Variants in FAM178B observed in about 807,000 individuals in gnomAD.
The protein encoded by FAM178B is protein FAM178B.
In FAM178B, 82 loss-of-function variants were observed where a neutral mutation model predicts 91.7. That is an observed-to-expected ratio of 0.89 (90% confidence interval 0.75 to 1.07). The LOEUF is 1.07. Among genes scored for constraint, FAM178B ranks in the 50% least tolerant of loss-of-function variants. FAM178B has a pLI of 0.00. For synonymous variants in FAM178B, 368 were observed against 359.4 expected, an observed-to-expected ratio of 1.02 and a Z score of -0.27; for missense variants, 769 against 846.7, an observed-to-expected ratio of 0.91 and a Z score of 1.14.
chr2:96,972,684 G>A, intron 1 of FAM178B, 78 bp from the exon 2 acceptor site: 1 of 1,375,456 alleles, frequency 7.3e-7, no homozygotes, highest in Non-Finnish European at 1.0e-6. Context: ...TTCCCACAGA[G>A]GAGGGCCTGG....
At chr2:96,960,469 GCATCA>G in intron 5 of FAM178B, 29 bp from the exon 6 acceptor site, 1 of 1,514,536 alleles carries the variant, frequency 6.6e-7, no homozygotes, top group South Asian at 1.3e-5. Flanking sequence ...GGAGGGCCGG[GCATCA>G]GCAGATGCAC....
At chr2:96,979,273 G>A (rs547045377) in intron 1 of FAM178B, among the ~76,000 whole-genome samples, 10 of 103,998 alleles carry the variant, frequency 9.6e-5, no homozygotes, top group Admixed American at 5.1e-4. Context: ...CTGCGCCCAG[G>A]CATTTTTTTT....
chr2:96,964,833 C>A (rs1349884814), intron 5 of FAM178B, among the ~76,000 whole-genome samples: 2 of 152,026 alleles, frequency 1.3e-5, no homozygotes, highest in African/African-American at 2.4e-5. Context: ...TCAATCATTC[C>A]CACTCTGGGC....
intron 8 of FAM178B, among the ~76,000 whole-genome samples, chr2:96,937,224 A>C (rs901260517): frequency 6.6e-6 from 1 of 152,126 alleles, no homozygotes; most frequent in Non-Finnish European, 1.5e-5. Flanking sequence ...TCACTTAGGG[A>C]GTGTCAAAAA....
chr2:96,923,529 T>C lies in FAM178B; in HGVS notation c.1248A>G (p.Gln416=). 1 of 1,551,582 alleles carries C rather than the reference T, an allele frequency of 6.4e-7. No individual in the cohort carries two copies. Among genetic ancestry groups the C allele is most frequent in the Non-Finnish European group, 8.7e-7 (1 of 1,146,876 alleles). Residue 416 remains glutamine (Q), a synonymous_variant, in exon 10 of 17, where the codon CAA becomes CAG. Transcript: ENST00000490605. Reference sequence around the variant, plus strand: ...CCAGGCTGATGTCCAAGGCAATCTCTTGGGGAGCGTCCTGCTCCTCATTCT... The same window carrying C: ...CCAGGCTGATGTCCAAGGCAATCTCCTGGGGAGCGTCCTGCTCCTCATTCT... The part of the protein sequence containing the change: ...LNENEEQDAP[Q]EIALDISLGH...
chr2:96,964,185 TAA>T (rs1470729194), intron 5 of FAM178B, among the ~76,000 whole-genome samples: 4 of 140,828 alleles, frequency 2.8e-5, no homozygotes, highest in Non-Finnish European at 4.6e-5. Context: ...AAAAATAAAA[TAA>T]AAGAGAGAGA....
At chr2:96,906,187 A>ACTTTTT (rs1410384959) in intron 12 of FAM178B, among the ~76,000 whole-genome samples, 5 of 145,622 alleles carry the variant, frequency 3.4e-5, no homozygotes, top group East Asian at 2.0e-4. Context: ...CCCAGCCAAT[A>ACTTTTT]CTTTTTCTTT....
At position 96,977,164 on chromosome 2, in the gene FAM178B, C is replaced by T. The variant is rs185619385; in HGVS notation, c.74-4558G>A. Among the ~76,000 whole-genome samples, 78 of 128,858 alleles carry T rather than the reference C, an allele frequency of 6.1e-4. 1 individual carries two copies. Among genetic ancestry groups the T allele is most frequent in the Non-Finnish European group, 1.0e-3 (64 of 62,726 alleles). The allele number at this position is 128,858 out of a possible 152,430, so 84.5% of individuals were successfully genotyped here. ...GAGCCAAGATCACGCCACTGCACTCCAGCCTGGGTGACAGAGCAAGACTCT... is the reference window on the plus strand; with the variant it reads ...GAGCCAAGATCACGCCACTGCACTCTAGCCTGGGTGACAGAGCAAGACTCT... On this transcript the variant is annotated intron_variant, in intron 1 of 16. Coordinates refer to ENST00000490605, the MANE Select transcript of FAM178B (RefSeq NM_001122646.3).
chr2:96,882,760 G>A (rs2080418579), intron 14 of FAM178B, among the ~76,000 whole-genome samples: 1 of 152,186 alleles, frequency 6.6e-6, no homozygotes, highest in Admixed American at 6.5e-5. Flanking sequence ...GCCCTCCTTG[G>A]GTGCTGGGGG....
chr2:96,908,498 G>A (rs375658570), intron 12 of FAM178B, among the ~76,000 whole-genome samples: 82 of 152,078 alleles, frequency 5.4e-4, no homozygotes, highest in East Asian at 2.3e-3. Flanking sequence ...TCAGGAGTTC[G>A]AGGCCATCCT....
chr2:96,888,744 C>T (rs1465079978), intron 14 of FAM178B, among the ~76,000 whole-genome samples: 1 of 152,242 alleles, frequency 6.6e-6, no homozygotes, highest in East Asian at 1.9e-4. Flanking sequence ...GTGCACAGCA[C>T]GCACTTATGC....
chr2:96,958,544 A>G (rs13016206), intron 6 of FAM178B, among the ~76,000 whole-genome samples: 2 of 151,472 alleles, frequency 1.3e-5, no homozygotes, highest in Non-Finnish European at 2.9e-5. Context: ...ACAAAAATTA[A>G]CCTAGAGCGG....
At position 96,972,227 on chromosome 2, in the gene FAM178B, G is replaced by A. The variant is rs1482060308; in HGVS notation, c.238C>T (p.Arg80Trp). Residue 80 changes from arginine (R) to tryptophan (W), a missense_variant, in exon 3 of 17, where the codon CGG (arginine) becomes TGG (tryptophan). Physicochemically the swap from Arg to Trp is moderately radical, Grantham distance 101. Transcript: ENST00000490605. Reference protein sequence around the residue: ...PLDQGPRCPARRPCSPASAPA... With the variant: ...PLDQGPRCPAWRPCSPASAPA... ...GCCGAGGCAGGGCTGCAGGGCCGCC[G>A]GGCAGGGCAGCGGGGCCCCTGGTCC... 1.4e-5 allele frequency: 22 copies of A among 1,537,518 alleles called. No homozygotes were observed. The highest frequency in any genetic ancestry group is 1.7e-4 in the Middle Eastern group (1 of 5,868).
chr2:96,910,307 G>A (rs893132879), intron 12 of FAM178B, among the ~76,000 whole-genome samples: 1 of 152,076 alleles, frequency 6.6e-6, no homozygotes, highest in Non-Finnish European at 1.5e-5. Context: ...ATGTCTCCCA[G>A]GAGCAGTGAG....
Position 96,904,107 on chromosome 2 carries a change from T to C in FAM178B, c.1563-1400A>G, listed in dbSNP as rs912352429. Among the ~76,000 whole-genome samples the C allele has an allele frequency of 3.9e-5, 6 of 152,142 alleles. No individual in the cohort carries two copies. The East Asian group carries it at 1.2e-3, about 29-fold the overall frequency. On this transcript the variant is annotated intron_variant, in intron 12 of 16. Coordinates refer to ENST00000490605, the MANE Select transcript of FAM178B (RefSeq NM_001122646.3). The stretch of plus-strand genomic sequence containing the variant: ...CAAAACTGGCAAGATCTACTAAAGA[T>C]GTGTAGATGCCCACCCCATGCCCAG...
chr2:96,878,372 C>T, intron 15 of FAM178B, 44 bp downstream of exon 15: 2 of 1,578,188 alleles, frequency 1.3e-6, no homozygotes, highest in African/African-American at 1.3e-5. Context: ...GGAGAAGACA[C>T]AGCTGGGCAC....
At chr2:96,890,521 T>C (rs538316865) in intron 14 of FAM178B, among the ~76,000 whole-genome samples, 1 of 152,072 alleles carries the variant, frequency 6.6e-6, no homozygotes, top group Non-Finnish European at 1.5e-5. Context: ...TGAGGCTGGA[T>C]AGAACACACC....
In FAM178B at chr2:96,878,034, C is replaced by T; in HGVS notation, c.1863G>A (p.Leu621=). ...QDITPDQWGE[L]QLLCMQLDRH... is the part of the protein sequence containing the mutation. The stretch of plus-strand genomic sequence containing the variant: ...GGTCCAACTGCATGCACAGCAGCTG[C>T]AGCTCGCCCTGTGGAGGCGGAGGGA... Residue 621 remains leucine, a synonymous_variant, in exon 16 of 17, where the codon CTG becomes CTA. Transcript: ENST00000490605. 1 of 1,609,804 alleles carries T rather than the reference C, an allele frequency of 6.2e-7. No homozygotes were observed.
chr2:96,931,512 A>G (rs2081538527), intron 8 of FAM178B, among the ~76,000 whole-genome samples: 1 of 152,230 alleles, frequency 6.6e-6, no homozygotes, highest in Non-Finnish European at 1.5e-5. Flanking sequence ...CTCTTTTCTG[A>G]CACAGAGACA....
Sources: allele counts gnomAD v4.1 joint callset (sites outside exome capture counted in the v4.1 genomes callset), GRCh38; gene constraint gnomAD v4.1.1; transcripts MANE v1.5; gene names NCBI Gene and HGNC (gene_info 2026-07-23, HGNC 2026-07-21).